Variants in RBP7 observed in about 807,000 individuals in gnomAD.
RBP7 encodes retinol binding protein 7.
A neutral mutation model predicts 16.7 loss-of-function variants in RBP7; 13 were observed. The ratio of observed to expected loss-of-function variants is 0.78; its 90% CI spans 0.51 to 1.24. The LOEUF (loss-of-function observed/expected upper bound fraction) is 1.24, where lower values mean the gene tolerates loss of function less well. Ranked by LOEUF, RBP7 falls within the 50% of genes most tolerant of loss-of-function variation. The pLI is 0.00. For missense variants in RBP7, 145 were observed against 159.5 expected (o/e 0.91, Z 0.49); for synonymous variants, 54 against 56.2 (o/e 0.96, Z 0.17).
At chr1:10,007,520 C>A in intron 1 of RBP7, 50 bp from the exon 2 acceptor site, 1 of 1,354,284 alleles carries the variant, frequency 7.4e-7, no homozygotes, top group Non-Finnish European at 1.0e-6. Flanking sequence ...AAATTCTTCA[C>A]TTTTGTATCT....
At chr1:9,999,510 G>A (rs1037768727) in intron 1 of RBP7, among the ~76,000 whole-genome samples, 5 of 152,010 alleles carry the variant, frequency 3.3e-5, no homozygotes, top group African/African-American at 1.2e-4. Flanking sequence ...CTGAGATGGT[G>A]CCATTGCACT....
Position 10,001,757 on chromosome 1 carries a change from AACTT to A in RBP7, c.73+4427_73+4430del, listed in dbSNP as rs1485585492. On this transcript the variant is annotated intron_variant, in intron 1 of 3. Coordinates refer to ENST00000294435, the MANE Select transcript of RBP7 (RefSeq NM_052960.3). ...AACCCAAGAAGGTGGTGGTGTTACT[AACTT>A]GTCCCAGATTACTGTGTACACTGGG... Among the ~76,000 whole-genome samples, 3 of 152,092 alleles carry A rather than the reference AACTT, an allele frequency of 2.0e-5. No homozygotes were observed. In the East Asian group the frequency reaches 5.8e-4, roughly 29 times the overall value.
intron 1 of RBP7, among the ~76,000 whole-genome samples, chr1:10,006,324 T>C (rs937615004): frequency 6.6e-6 from 1 of 151,802 alleles, no homozygotes; most frequent in Non-Finnish European, 1.5e-5. Flanking sequence ...CTGGGCAACA[T>C]AGTGAGACTT....
At chr1:10,011,271 C>T (rs1049494170) in intron 3 of RBP7, among the ~76,000 whole-genome samples, 1 of 151,870 alleles carries the variant, frequency 6.6e-6, no homozygotes, top group Non-Finnish European at 1.5e-5. Context: ...GGAAGAGGTT[C>T]ACCTGCTTTG....
At chr1:10,008,377 G>A (rs905788256) in intron 3 of RBP7, 103 bp downstream of exon 3, 3 of 682,854 alleles carry the variant, frequency 4.4e-6, no homozygotes, top group Non-Finnish European at 7.8e-6. Flanking sequence ...TTAGGAGGCC[G>A]AGGTGGGTGT....
intron 3 of RBP7, among the ~76,000 whole-genome samples, chr1:10,015,296 A>T (rs1455445232): frequency 6.6e-6 from 1 of 151,992 alleles, no homozygotes; most frequent in Non-Finnish European, 1.5e-5. Flanking sequence ...AAAAATTAGC[A>T]GAGCATGGTG....
chr1:10,014,342 C>T (rs1385160613), intron 3 of RBP7, among the ~76,000 whole-genome samples: 3 of 151,880 alleles, frequency 2.0e-5, no homozygotes, highest in East Asian at 1.9e-4. Context: ...TTGCCCTATG[C>T]GTCTCTTCCA....
chr1:10,002,258 T>G (rs1370307701), intron 1 of RBP7, among the ~76,000 whole-genome samples: 2 of 152,104 alleles, frequency 1.3e-5, no homozygotes, highest in South Asian at 4.1e-4. Flanking sequence ...GTGGACTCCT[T>G]TGAGATCCTA....
chr1:10,009,458 C>T (rs901158713), intron 3 of RBP7, among the ~76,000 whole-genome samples: 6 of 151,482 alleles, frequency 4.0e-5, no homozygotes, highest in African/African-American at 9.7e-5. Context: ...AGAATGGCCA[C>T]CCAGGAAACA....
chr1:9,998,581 G>T (rs1642215093), intron 1 of RBP7, among the ~76,000 whole-genome samples: 1 of 151,134 alleles, frequency 6.6e-6, no homozygotes, highest in Admixed American at 6.6e-5. Flanking sequence ...GCTAATTTTT[G>T]TATTTTTTAG....
chr1:10,009,238 C>T (rs1461422302), intron 3 of RBP7, among the ~76,000 whole-genome samples: 4 of 151,906 alleles, frequency 2.6e-5, no homozygotes, highest in East Asian at 1.9e-4. Context: ...GGTGAAACCC[C>T]GTCTCTACTA....
In RBP7 at chr1:10,015,989, A is replaced by G. The variant is rs963171099; in HGVS notation, c.*157A>G. On this transcript the variant is annotated 3_prime_UTR_variant, in exon 4 of 4. Coordinates refer to ENST00000294435, the MANE Select transcript of RBP7 (RefSeq NM_052960.3). ...CTGAAGTCATCTAGATTATGGGGAA[A>G]CTGCTCAGCTTCAATAAACCTGTCC... 1.1e-5 allele frequency: 7 copies of G among 632,024 alleles called. No homozygotes were observed. Among genetic ancestry groups the G allele is most frequent in the Non-Finnish European group, 1.7e-5 (6 of 356,448 alleles). The allele number at this position is 632,024 out of a possible 1,614,324, so 39.2% of individuals were successfully genotyped here.
Position 10,015,931 on chromosome 1 carries a change from C to A in RBP7, c.*99C>A. The A allele has an allele frequency of 8.7e-7, 1 of 1,144,420 alleles. No homozygotes were observed. Among genetic ancestry groups the A allele is most frequent in the Non-Finnish European group, 1.3e-6 (1 of 767,724 alleles). The allele number at this position is 1,144,420 out of a possible 1,614,324, so 70.9% of individuals were successfully genotyped here. A position where few individuals can be genotyped will look rare whatever the true frequency, so the allele number is the denominator to read the frequency against. ...TATCTATCCCATTTGGCGACGAGGACTCGTGGCTGGAGAGAGCCACACAGC... is the reference window on the plus strand; with the variant it reads ...TATCTATCCCATTTGGCGACGAGGAATCGTGGCTGGAGAGAGCCACACAGC... On this transcript the variant is annotated 3_prime_UTR_variant, in exon 4 of 4. Coordinates refer to ENST00000294435, the MANE Select transcript of RBP7 (RefSeq NM_052960.3).
chr1:10,005,620 G>A lies in RBP7; in HGVS notation c.74-1950G>A, dbSNP rs933367336. 6.6e-5 allele frequency among the ~76,000 whole-genome samples: 10 copies of A among 151,462 alleles called. No individual in the cohort carries two copies. In the South Asian group the frequency reaches 2.1e-3, roughly 31 times the overall value. On this transcript the variant is annotated intron_variant, in intron 1 of 3. Coordinates refer to ENST00000294435, the MANE Select transcript of RBP7 (RefSeq NM_052960.3). ...GCTCTGTTGCCCAGGCTGGAGTGCAGTCGCACGATCTCGGCTCACTGCAGC... is the reference window on the plus strand; with the variant it reads ...GCTCTGTTGCCCAGGCTGGAGTGCAATCGCACGATCTCGGCTCACTGCAGC...
intron 1 of RBP7, among the ~76,000 whole-genome samples, chr1:9,999,814 CTTTTTTT>C (rs70998341): frequency 9.4e-6 from 1 of 105,884 alleles, no homozygotes; most frequent in Non-Finnish European, 2.2e-5. Context: ...CTGTAATACT[CTTTTTTT>C]TTTTTTTTTT....
intron 1 of RBP7, among the ~76,000 whole-genome samples, chr1:10,006,277 T>G (rs1642438235): frequency 6.6e-6 from 1 of 151,814 alleles, no homozygotes; most frequent in Admixed American, 6.6e-5. Flanking sequence ...GAGGCTGAGG[T>G]GAGAGGATTG....
chr1:9,998,416 T>TC (rs1247037965), intron 1 of RBP7, among the ~76,000 whole-genome samples: 5 of 147,490 alleles, frequency 3.4e-5, no homozygotes, highest in African/African-American at 1.2e-4. Flanking sequence ...TCTTTTTTTT[T>TC]TTTTTTTTTG....
intron 3 of RBP7, 35 bp downstream of exon 3, chr1:10,008,309 C>A: frequency 7.1e-7 from 1 of 1,399,380 alleles, no homozygotes; most frequent in Non-Finnish European, 1.0e-6. Flanking sequence ...TGAGATGATA[C>A]AGTATTAAAG....
At chr1:10,011,779 G>A (rs1048376253) in intron 3 of RBP7, among the ~76,000 whole-genome samples, 1 of 151,952 alleles carries the variant, frequency 6.6e-6, no homozygotes, top group Non-Finnish European at 1.5e-5. Flanking sequence ...GGTCAGGCAT[G>A]GGATTACGGG....
Sources: gnomAD v4.1 joint callset for allele counts (sites outside exome capture counted in the v4.1 genomes callset) on GRCh38, gnomAD v4.1.1 for gene constraint, MANE v1.5 for transcripts, NCBI Gene and HGNC (gene_info 2026-07-23, HGNC 2026-07-21) for gene names.